The following TRAM2 variants were observed in gnomAD, a reference collection of about 807,000 sequenced individuals.
TRAM2 encodes translocation associated membrane protein 2.
Under a neutral mutation model 51.0 loss-of-function variants are expected in TRAM2, and 12 were observed. The ratio of observed to expected loss-of-function variants is 0.24; its 90% CI spans 0.15 to 0.38. The LOEUF (loss-of-function observed/expected upper bound fraction) is 0.38, where lower values mean the gene tolerates loss of function less well. Among genes scored for constraint, TRAM2 ranks in the 10% least tolerant of loss-of-function variants. The pLI is 1.00. For synonymous variants in TRAM2, 175 were observed against 179.4 expected (o/e 0.98, Z 0.20); for missense variants, 361 against 462.0 (o/e 0.78, Z 2.00).
intron 2 of TRAM2, among the ~76,000 whole-genome samples, chr6:52,534,521 C>T (rs543229046): frequency 2.0e-4 from 30 of 152,288 alleles, no homozygotes; most frequent in African/African-American, 6.0e-4. Context: ...GTGCTGGTGG[C>T]GGGATCGGAG....
In TRAM2 at chr6:52,500,701, C is replaced by T. The variant is rs145502128; in HGVS notation, c.*2496G>A. 8.6e-3 allele frequency: 1,312 copies of T among 152,352 alleles called. 8 individuals are homozygous for T. Among genetic ancestry groups the T allele is most frequent in the African/African-American group, 0.012 (490 of 41,544 alleles). 9.4% of individuals were successfully genotyped at this position (152,352 alleles called of 1,614,324 possible). A position where few individuals can be genotyped will look rare whatever the true frequency, so the allele number is the denominator to read the frequency against. ...ACATGAAGTTGTGGCGTCTCTGGCACGCAAGTGTCCTGGGACAGAGCAATG... is the reference window on the plus strand; with the variant it reads ...ACATGAAGTTGTGGCGTCTCTGGCATGCAAGTGTCCTGGGACAGAGCAATG... On this transcript the variant is annotated 3_prime_UTR_variant, in exon 11 of 11. Transcript: ENST00000182527.
chr6:52,511,887 C>T (rs190065084), intron 4 of TRAM2, among the ~76,000 whole-genome samples: 1 of 152,088 alleles, frequency 6.6e-6, no homozygotes, highest in Non-Finnish European at 1.5e-5. Flanking sequence ...CTTCTCACTA[C>T]CACTCTCTCC....
intron 2 of TRAM2, chr6:52,524,685 A>G (rs1164328551): frequency 6.6e-6 from 1 of 152,232 alleles, no homozygotes; most frequent in African/African-American, 2.4e-5. Context: ...AACAATTTTT[A>G]AGTAAGTCTT....
At chr6:52,574,914 G>A (rs1436312888) in intron 1 of TRAM2, among the ~76,000 whole-genome samples, 2 of 152,146 alleles carry the variant, frequency 1.3e-5, no homozygotes, top group African/African-American at 4.8e-5. Flanking sequence ...GAGAGCCACA[G>A]GCTATGCGAG....
chr6:52,564,946 T>G lies in TRAM2; in HGVS notation c.120+11850A>C, dbSNP rs544458843. ...AGGATGAAATGGAGAATGAGATGAC[T>G]TGGAGTGCAGGGTGCATGAAAAAAA... On this transcript the variant is annotated intron_variant, in intron 1 of 10. Coordinates refer to ENST00000182527, the MANE Select transcript of TRAM2 (RefSeq NM_012288.4). 2.6e-5 allele frequency among the ~76,000 whole-genome samples: 4 copies of G among 151,938 alleles called. No individual in the cohort carries two copies. The South Asian group carries it at 6.2e-4, about 24-fold the overall frequency.
Position 52,503,067 on chromosome 6 carries a change from T to C in TRAM2, c.*130A>G. The C allele has an allele frequency of 1.3e-6, 1 of 778,786 alleles. No individual in the cohort carries two copies. Among genetic ancestry groups the C allele is most frequent in the African/African-American group, 1.7e-5 (1 of 57,692 alleles). 48.2% of individuals were successfully genotyped at this position (778,786 alleles called of 1,614,324 possible). Reference sequence around the variant, plus strand: ...GAAAGCGAAACGCCCCCTCCCCCCATTGCAAGACAGGTTTCGGCTGTTTGA... The same window carrying C: ...GAAAGCGAAACGCCCCCTCCCCCCACTGCAAGACAGGTTTCGGCTGTTTGA... On this transcript the variant is annotated 3_prime_UTR_variant, in exon 11 of 11. Coordinates refer to ENST00000182527, the MANE Select transcript of TRAM2 (RefSeq NM_012288.4).
intron 4 of TRAM2, among the ~76,000 whole-genome samples, chr6:52,514,906 C>T (rs1053011710): frequency 3.3e-5 from 5 of 152,244 alleles, no homozygotes; most frequent in Non-Finnish European, 4.4e-5. Context: ...GCCCCTGGGA[C>T]TGTGACAGCC....
chr6:52,503,338 G>A, intron 10 of TRAM2, 68 bp from the exon 11 acceptor site: 1 of 1,471,412 alleles, frequency 6.8e-7, no homozygotes, highest in Non-Finnish European at 9.5e-7. Flanking sequence ...AGGGGAGGGT[G>A]GGGCCAGGCC....
chr6:52,542,368 G>T (rs1257480132), intron 1 of TRAM2, among the ~76,000 whole-genome samples: 1 of 151,724 alleles, frequency 6.6e-6, no homozygotes, highest in Non-Finnish European at 1.5e-5. Context: ...GTCGGGGTGT[G>T]ATGGACGTGG....
chr6:52,514,345 C>G (rs140909055), intron 4 of TRAM2, among the ~76,000 whole-genome samples: 1 of 152,136 alleles, frequency 6.6e-6, no homozygotes, highest in Non-Finnish European at 1.5e-5. Context: ...AAGCACAGTT[C>G]CAACGGAGGA....
At chr6:52,516,600 G>T in intron 3 of TRAM2, 28 bp downstream of exon 3, 1 of 1,592,926 alleles carries the variant, frequency 6.3e-7, no homozygotes, top group Non-Finnish European at 8.6e-7. Context: ...CCCAGCTTCT[G>T]ATCTCAGAAT....
At chr6:52,535,155 T>C (rs1389597244) in intron 2 of TRAM2, among the ~76,000 whole-genome samples, 1 of 152,216 alleles carries the variant, frequency 6.6e-6, no homozygotes, top group Non-Finnish European at 1.5e-5. Flanking sequence ...AAGGAAGCCA[T>C]GCTCTGGAGA....
chr6:52,576,469 C>T (rs1767767428), intron 1 of TRAM2, among the ~76,000 whole-genome samples: 1 of 152,164 alleles, frequency 6.6e-6, no homozygotes, highest in African/African-American at 2.4e-5. Flanking sequence ...AAAGGGAACC[C>T]CACGCGTCAA....
intron 1 of TRAM2, among the ~76,000 whole-genome samples, chr6:52,545,612 C>T (rs772808881): frequency 1.3e-5 from 2 of 151,570 alleles, no homozygotes; most frequent in Non-Finnish European, 2.9e-5. Context: ...ACCCCACCCC[C>T]ACCTATTGCA....
At chr6:52,562,975 T>C (rs898686480) in intron 1 of TRAM2, among the ~76,000 whole-genome samples, 1 of 152,250 alleles carries the variant, frequency 6.6e-6, no homozygotes, top group Non-Finnish European at 1.5e-5. Context: ...AATTTGTCAA[T>C]ATCTATCAAA....
intron 1 of TRAM2, among the ~76,000 whole-genome samples, chr6:52,536,090 G>A (rs1054510308): frequency 1.3e-5 from 2 of 152,208 alleles, no homozygotes; most frequent in Non-Finnish European, 2.9e-5. Context: ...GATGAAACAA[G>A]CTGTGCATGG....
intron 1 of TRAM2, among the ~76,000 whole-genome samples, chr6:52,573,011 C>T (rs1442628873): frequency 1.3e-5 from 2 of 152,248 alleles, no homozygotes; most frequent in East Asian, 3.9e-4. Flanking sequence ...AGAAACCAAA[C>T]CTACAAATGA....
chr6:52,505,602 C>A lies in TRAM2; in HGVS notation c.872G>T (p.Cys291Phe). The change falls in exon 9 of 11, where the codon TGC (cysteine) becomes TTC (phenylalanine). Residue 291 changes from cysteine to phenylalanine, a missense_variant. Cys to Phe is a radical substitution (Grantham distance 205). Coordinates refer to ENST00000182527, the MANE Select transcript of TRAM2 (RefSeq NM_012288.4). ...CTTGGACTTCTGCTCGACTCACCTG[C>A]AAAACAAAGTGTTGAAGTTCCCTTT... ...PEKGNFNTLF[C>F]RLCVLLLVCA... The A allele has an allele frequency of 6.2e-7, 1 of 1,608,976 alleles. No individual in the cohort carries two copies. Among genetic ancestry groups the A allele is most frequent in the Non-Finnish European group, 8.5e-7 (1 of 1,176,624 alleles).
intron 1 of TRAM2, among the ~76,000 whole-genome samples, chr6:52,564,856 G>A (rs181257297): frequency 1.1e-4 from 17 of 152,322 alleles, no homozygotes; most frequent in Admixed American, 6.5e-5. Context: ...GCTGGAAAGC[G>A]CGTTCTGAGC....
Sources: gnomAD v4.1 joint callset for allele counts (sites outside exome capture counted in the v4.1 genomes callset) on GRCh38, gnomAD v4.1.1 for gene constraint, MANE v1.5 for transcripts, NCBI Gene and HGNC (gene_info 2026-07-23, HGNC 2026-07-21) for gene names.